Variants in PDE3B observed in about 807,000 individuals in gnomAD.
PDE3B encodes the protein cGMP-inhibited 3',5'-cyclic phosphodiesterase 3B.
PDE3B carries 66 observed loss-of-function variants against 116.8 expected under a neutral mutation model. The observed-to-expected ratio is 0.56, with a 90% CI of 0.46 to 0.69. The LOEUF (loss-of-function observed/expected upper bound fraction) is 0.69, where lower values mean the gene tolerates loss of function less well. Among genes scored for constraint, PDE3B ranks in the 30% least tolerant of loss-of-function variants. PDE3B has a pLI of 0.00. For synonymous variants in PDE3B, 595 were observed against 533.6 expected (o/e 1.12, Z -1.59); for missense variants, 1,384 against 1,368.1 (o/e 1.01, Z -0.18).
the PDE3B span, chr11:14,878,097 G>A: frequency 1.6e-5 from 26 of 1,611,686 alleles, no homozygotes; most frequent in East Asian, 5.8e-4. Context: ...ATACATTCTT[G>A]TTCCCGAAAA....
chr11:14,672,452 A>C (rs573373756), intron 1 of PDE3B, among the ~76,000 whole-genome samples: 1 of 152,308 alleles, frequency 6.6e-6, no homozygotes, highest in East Asian at 1.9e-4. Context: ...ACAATGTTTT[A>C]TTAGGGGTGA....
intron 13 of PDE3B, among the ~76,000 whole-genome samples, chr11:14,860,404 CA>C (rs1426003613): frequency 6.6e-6 from 1 of 151,776 alleles, no homozygotes; most frequent in Non-Finnish European, 1.5e-5. Flanking sequence ...AGTTTGGTGC[CA>C]AAAAGCAACC....
At chr11:14,809,782 T>G (rs1021653041) in intron 5 of PDE3B, among the ~76,000 whole-genome samples, 5 of 152,210 alleles carry the variant, frequency 3.3e-5, no homozygotes, top group African/African-American at 7.2e-5. Context: ...AGGCAGAAAC[T>G]GAGCCCTAAT....
At chr11:14,764,528 T>C (rs1204094220) in intron 1 of PDE3B, among the ~76,000 whole-genome samples, 1 of 152,074 alleles carries the variant, frequency 6.6e-6, no homozygotes. Flanking sequence ...TGCTAGCATA[T>C]AGTACTGTTT....
intron 1 of PDE3B, among the ~76,000 whole-genome samples, chr11:14,675,409 T>TA (rs1485105631): frequency 6.6e-6 from 1 of 152,152 alleles, no homozygotes; most frequent in Non-Finnish European, 1.5e-5. Flanking sequence ...TTACATATAA[T>TA]AAAATGCATG....
intron 1 of PDE3B, among the ~76,000 whole-genome samples, chr11:14,704,257 T>C (rs746756046): frequency 2.0e-5 from 3 of 151,772 alleles, no homozygotes. Flanking sequence ...TAATAAAGCC[T>C]ATTGATTTAA....
chr11:14,818,296 A>G lies in PDE3B; in HGVS notation c.1636A>G (p.Lys546Glu). Residue 546 changes from lysine to glutamate, a missense_variant, in exon 6 of 16, where the codon AAG (lysine) becomes GAG (glutamate). By Grantham distance (56) the Lys-to-Glu change is moderately conservative. Transcript: ENST00000282096. ...TCCTGATACTGCTGATTTTCTTAAT[A>G]AGCCAAGCGTTATCTTGCAGAGATC... The part of the protein sequence containing the change: ...EFPDTADFLN[K>E]PSVILQRSLG... The G allele has an allele frequency of 6.2e-7, 1 of 1,612,946 alleles. No homozygotes were observed. Among genetic ancestry groups the G allele is most frequent in the Middle Eastern group, 1.7e-4 (1 of 6,060 alleles).
At chr11:14,893,333 A>G in the PDE3B span, among the ~76,000 whole-genome samples, 3 of 152,364 alleles carry the variant, frequency 2.0e-5, no homozygotes, top group South Asian at 6.2e-4. Flanking sequence ...TTAGCAGGCA[A>G]GGGCTGTCAA....
the PDE3B span, chr11:14,878,436 T>A: frequency 1.2e-6 from 1 of 867,884 alleles, no homozygotes; most frequent in Non-Finnish European, 1.7e-6. Context: ...AGGATTTTCT[T>A]AAATCTCAAA....
chr11:14,831,013 A>C (rs1351447909), intron 8 of PDE3B, among the ~76,000 whole-genome samples, 167 bp downstream of exon 8: 1 of 151,888 alleles, frequency 6.6e-6, no homozygotes, highest in African/African-American at 2.4e-5. Flanking sequence ...CAAATAATAC[A>C]GTAACTTGTT....
At chr11:14,822,611 T>C (rs1318386260) in intron 7 of PDE3B, among the ~76,000 whole-genome samples, 1 of 152,208 alleles carries the variant, frequency 6.6e-6, no homozygotes, top group Non-Finnish European at 1.5e-5. Flanking sequence ...GTAAACCCAC[T>C]GCACCAGGGC....
chr11:14,890,947 ACTGACCACAGC>A, the PDE3B span: 17 of 985,354 alleles, frequency 1.7e-5, no homozygotes, highest in Non-Finnish European at 2.0e-5. Flanking sequence ...CCTTCAAAAC[ACTGACCACAGC>A]CTGTGGCCGA....
intron 1 of PDE3B, among the ~76,000 whole-genome samples, chr11:14,759,298 A>G (rs2133885054): frequency 6.6e-6 from 1 of 152,264 alleles, no homozygotes; most frequent in Non-Finnish European, 1.5e-5. Context: ...TGAGTTAGGG[A>G]GGATTCCCTC....
intron 12 of PDE3B, among the ~76,000 whole-genome samples, chr11:14,845,965 T>A (rs1480942823): frequency 1.3e-5 from 2 of 152,018 alleles, no homozygotes; most frequent in Non-Finnish European, 2.9e-5. Context: ...CAGGCCAACA[T>A]TCAGATTCAG....
intron 2 of PDE3B, among the ~76,000 whole-genome samples, chr11:14,778,390 A>T (rs1206486900): frequency 6.6e-6 from 1 of 152,238 alleles, no homozygotes; most frequent in East Asian, 1.9e-4. Context: ...CTGACCCCCG[A>T]GTAGCCTAAC....
chr11:14,760,674 G>A (rs1565125249), intron 1 of PDE3B, among the ~76,000 whole-genome samples: 2 of 152,112 alleles, frequency 1.3e-5, no homozygotes, highest in African/African-American at 4.8e-5. Flanking sequence ...AATGCAAAAA[G>A]TGGAAACAGT....
intron 1 of PDE3B, among the ~76,000 whole-genome samples, chr11:14,694,533 A>C (rs1474099657): frequency 6.6e-6 from 1 of 152,216 alleles, no homozygotes; most frequent in African/African-American, 2.4e-5. Context: ...GATGATCATT[A>C]ACATTTTTTA....
At chr11:14,883,937 C>T in the PDE3B span, among the ~76,000 whole-genome samples, 10 of 152,066 alleles carry the variant, frequency 6.6e-5, no homozygotes, top group African/African-American at 1.9e-4. Flanking sequence ...AAAATGCTCA[C>T]CATCACTGGC....
chr11:14,723,245 G>A (rs1429576701), intron 1 of PDE3B, among the ~76,000 whole-genome samples: 4 of 152,144 alleles, frequency 2.6e-5, no homozygotes, highest in African/African-American at 9.7e-5. Flanking sequence ...CTGTGATCAG[G>A]TAACTTCTGA....
Sources: gnomAD v4.1 joint callset for allele counts (sites outside exome capture counted in the v4.1 genomes callset) on GRCh38, gnomAD v4.1.1 for gene constraint, MANE v1.5 for transcripts, NCBI Gene and HGNC (gene_info 2026-07-23, HGNC 2026-07-21) for gene names.